Variants in TNRC6B observed in about 807,000 individuals in gnomAD.
TNRC6B encodes trinucleotide repeat containing adaptor 6B, also known as trinucleotide repeat-containing gene 6B protein.
A neutral mutation model predicts 203.6 loss-of-function variants in TNRC6B; 52 were observed. The ratio of observed to expected loss-of-function variants is 0.26; its 90% CI spans 0.20 to 0.32. TNRC6B has a LOEUF of 0.32. TNRC6B is among the 10% of genes least tolerant of loss of function. The pLI is 1.00. For synonymous variants in TNRC6B, 838 were observed against 845.7 expected (o/e 0.99, Z 0.16); for missense variants, 1,923 against 2,286.2 (o/e 0.84, Z 3.24).
chr22:40,247,611 C>T (rs1569036937), intron 2 of TNRC6B, among the ~76,000 whole-genome samples: 1 of 152,180 alleles, frequency 6.6e-6, no homozygotes, highest in African/African-American at 2.4e-5. Flanking sequence ...TAATAGACCG[C>T]TGTGCTCTTT....
In TNRC6B at chr22:40,188,982, C is replaced by T. The variant is rs187708995; in HGVS notation, c.5+10842C>T. ...ATGGTTTCAAAACATTTAGAAGGCA[C>T]TACTCATGAGTTGCCCCATTTCAGC... On this transcript the variant is annotated intron_variant, in intron 1 of 22. Coordinates refer to ENST00000454349, the MANE Select transcript of TNRC6B (RefSeq NM_001162501.2). 2.4e-4 allele frequency among the ~76,000 whole-genome samples: 37 copies of T among 152,288 alleles called. No individual in the cohort carries two copies. The East Asian group carries it at 7.1e-3, about 29-fold the overall frequency.
intron 1 of TNRC6B, among the ~76,000 whole-genome samples, chr22:40,062,565 A>G (rs2067862432): frequency 6.6e-6 from 1 of 152,160 alleles, no homozygotes; most frequent in Non-Finnish European, 1.5e-5. Context: ...GACTATTTTC[A>G]AAAAGGGCTG....
rs750946334 is a variant in TNRC6B, at chr22:40,264,740, C to CCT, written c.510_511insCT (p.Ser171LeufsTer21). On this transcript the variant is annotated frameshift_variant, in exon 5 of 23. Coordinates refer to ENST00000454349, the MANE Select transcript of TNRC6B (RefSeq NM_001162501.2). LOFTEE classifies it high-confidence loss of function. ...CAAATTATGCAAATTCCACTTGGGGCTCGGGAGCCTCCTCCAACAACGGCA... is the reference window on the plus strand; with the variant it reads ...CAAATTATGCAAATTCCACTTGGGGCCTTCGGGAGCCTCCTCCAACAACGGCA... 36 of 1,610,152 alleles carry CCT rather than the reference C, an allele frequency of 2.2e-5. No homozygotes were observed. The African/African-American group carries it at 3.3e-4, about 15-fold the overall frequency.
chr22:40,250,338 T>C (rs2146477162), intron 2 of TNRC6B, among the ~76,000 whole-genome samples: 1 of 152,300 alleles, frequency 6.6e-6, no homozygotes, highest in East Asian at 1.9e-4. Context: ...TCAGAAGCAG[T>C]TTTCTGTAAG....
chr22:40,200,577 C>T lies in TNRC6B; in HGVS notation c.5+22437C>T, dbSNP rs1013337840. Among the ~76,000 whole-genome samples, 19 of 151,990 alleles carry T rather than the reference C, an allele frequency of 1.3e-4. No homozygotes were observed. In the South Asian group the frequency reaches 1.5e-3, roughly 12 times the overall value. ...TGCTGGGATTACAGGCGTGAGCCAC[C>T]GCGCCCGGCTAAAAAGTAATATTCT... On this transcript the variant is annotated intron_variant, in intron 1 of 22. Coordinates refer to ENST00000454349, the MANE Select transcript of TNRC6B (RefSeq NM_001162501.2).
At chr22:40,232,984 C>T (rs1181230949) in intron 1 of TNRC6B, among the ~76,000 whole-genome samples, 1 of 151,690 alleles carries the variant, frequency 6.6e-6, no homozygotes. Context: ...CCTGTCTCTA[C>T]TAAAATACAA....
intron 1 of TNRC6B, among the ~76,000 whole-genome samples, chr22:40,202,260 GTT>G (rs200101424): frequency 1.8e-4 from 23 of 129,776 alleles, no homozygotes; most frequent in African/African-American, 2.5e-4. Flanking sequence ...TTGTTTTTTT[GTT>G]TTTTTTTTTT....
chr22:40,208,713 G>A (rs1373799633), intron 1 of TNRC6B, among the ~76,000 whole-genome samples: 2 of 152,060 alleles, frequency 1.3e-5, no homozygotes, highest in Admixed American at 1.3e-4. Context: ...AAGTTATTTT[G>A]TATGTATTAA....
intron 1 of TNRC6B, among the ~76,000 whole-genome samples, chr22:40,207,413 AAAAAAATATAT>A (rs1379715246): frequency 7.9e-4 from 90 of 114,058 alleles, no homozygotes; most frequent in African/African-American, 4.7e-3. Context: ...CCTCAAAAAA[AAAAAAATATAT>A]ATATATATAT....
At chr22:40,216,126 C>T (rs2069631408) in intron 1 of TNRC6B, among the ~76,000 whole-genome samples, 1 of 152,258 alleles carries the variant, frequency 6.6e-6, no homozygotes, top group Non-Finnish European at 1.5e-5. Context: ...CTTTCTGCTG[C>T]ATAGCCTTGG....
chr22:40,288,683 C>T (rs1393747703), intron 12 of TNRC6B, among the ~76,000 whole-genome samples: 1 of 152,034 alleles, frequency 6.6e-6, no homozygotes, highest in East Asian at 1.9e-4. Flanking sequence ...GCTGGGACTA[C>T]AGGAGTGTGC....
intron 1 of TNRC6B, among the ~76,000 whole-genome samples, chr22:40,217,994 C>T (rs1214573478): frequency 7.8e-6 from 1 of 128,860 alleles, no homozygotes; most frequent in Non-Finnish European, 1.7e-5. Flanking sequence ...AAAAAAATTA[C>T]TGAAATAAGC....
In TNRC6B at chr22:40,280,262, A is replaced by G. The variant is rs947995253; in HGVS notation, c.3411+119A>G. On this transcript the variant is annotated intron_variant, in intron 10 of 22. Coordinates refer to ENST00000454349, the MANE Select transcript of TNRC6B (RefSeq NM_001162501.2). ...TTACTGAACTAGATGAGCAAAACAC[A>G]AACATCACCTGCATTAACGTGGTGA... 19 of 955,996 alleles carry G rather than the reference A, an allele frequency of 2.0e-5. No individual in the cohort carries two copies. In the African/African-American group the frequency reaches 3.0e-4, roughly 15 times the overall value. The allele number at this position is 955,996 out of a possible 1,614,324, so 59.2% of individuals were successfully genotyped here.
Position 40,266,022 on chromosome 22 carries a change from C to G in TNRC6B, c.1792C>G (p.Pro598Ala). Residue 598 changes from proline (P) to alanine (A), a missense_variant, in exon 5 of 23, where the codon CCT (proline) becomes GCT (alanine). Pro to Ala is a conservative substitution (Grantham distance 27). This residue lies in a region of TNRC6B where 614 missense variants were observed against 587.7 expected (regional missense o/e 1.04). Coordinates refer to ENST00000454349, the MANE Select transcript of TNRC6B (RefSeq NM_001162501.2). ...SGRRSYRPTH[P>A]DCQAVLQTLL... is the part of the protein sequence containing the mutation. ...CCGTCGGTCGTACAGGCCCACACAT[C>G]CTGATTGTCAGGCTGTCTTGCAGAC... 1 of 1,613,776 alleles carries G rather than the reference C, an allele frequency of 6.2e-7. No homozygotes were observed. The highest frequency in any genetic ancestry group is 8.5e-7 in the Non-Finnish European group (1 of 1,179,894).
rs2070468602 is a variant in TNRC6B, at chr22:40,265,706, T to TTA, written c.1476_1477insTA (p.Asp493Ter). 5.6e-6 allele frequency: 9 copies of TTA among 1,613,834 alleles called. No individual in the cohort carries two copies. The highest frequency in any genetic ancestry group is 7.6e-6 in the Non-Finnish European group (9 of 1,179,886). On this transcript the variant is annotated frameshift_variant, in exon 5 of 23. Transcript: ENST00000454349. LOFTEE classifies it high-confidence loss of function. ...GGAACTTTGGCCCCCAGGACTCTAA[T>TTA]GACAACAAATGGGGTGAAGGGAACA...
At chr22:40,084,180 G>A (rs1263440533) in intron 1 of TNRC6B, among the ~76,000 whole-genome samples, 1 of 152,160 alleles carries the variant, frequency 6.6e-6, no homozygotes, top group Non-Finnish European at 1.5e-5. Context: ...TGTAATCTAA[G>A]CTAAAGAGAA....
rs140452539 is a variant in TNRC6B, at chr22:40,079,463, C to G, written c.-121+34465C>G. Among the ~76,000 whole-genome samples, 781 of 152,190 alleles carry G rather than the reference C, an allele frequency of 5.1e-3. 7 individuals carry two copies. Among genetic ancestry groups the G allele is most frequent in the African/African-American group, 0.017 (715 of 41,514 alleles). On this transcript the variant is annotated intron_variant, in intron 1 of 23. Coordinates refer to the TNRC6B transcript ENST00000301923. ...CACCAGAATAAAATTTCCTGGAAGT[C>G]TCCAGTTTTAACTGAGAAATTCCTA...
chr22:40,215,542 A>T lies in TNRC6B; in HGVS notation c.6-30473A>T, dbSNP rs577091177. Among the ~76,000 whole-genome samples the T allele has an allele frequency of 1.2e-3, 189 of 152,204 alleles. 1 individual carries two copies. Among genetic ancestry groups the T allele is most frequent in the African/African-American group, 4.5e-3 (186 of 41,512 alleles). On this transcript the variant is annotated intron_variant, in intron 1 of 22. Transcript: ENST00000454349. ...CAGCAGCAGCAGTTCCTTCCTGTAGATGCACCTGAATCCATTTTGCAGTTT... is the reference window on the plus strand; with the variant it reads ...CAGCAGCAGCAGTTCCTTCCTGTAGTTGCACCTGAATCCATTTTGCAGTTT...
Position 40,153,108 on chromosome 22 carries a change from AT to A in TNRC6B, c.46-3006del, listed in dbSNP as rs1487651100. Among the ~76,000 whole-genome samples, 6 of 152,320 alleles carry A rather than the reference AT, an allele frequency of 3.9e-5. No homozygotes were observed. The East Asian group carries it at 5.8e-4, about 15-fold the overall frequency. ...AGAACGAGACTCCATCTCAAAAAAA[AT>A]AAAAATAAATAAAACATTTTTATGT... On this transcript the variant is annotated intron_variant, in intron 3 of 23. Coordinates refer to the TNRC6B transcript ENST00000301923.
Sources: allele counts gnomAD v4.1 joint callset (sites outside exome capture counted in the v4.1 genomes callset), GRCh38; gene constraint gnomAD v4.1.1; regional missense constraint gnomAD v4.1.1; transcripts MANE v1.5; gene names NCBI Gene and HGNC (gene_info 2026-07-23, HGNC 2026-07-21).